CTNNA2: variants seen among roughly 807,000 people sequenced by gnomAD.
CTNNA2 encodes catenin alpha 2.
Under a neutral mutation model 101.0 loss-of-function variants are expected in CTNNA2, and 42 were observed. The ratio of observed to expected loss-of-function variants is 0.42; its 90% CI spans 0.32 to 0.54. The LOEUF (loss-of-function observed/expected upper bound fraction) is 0.54. Ranked by LOEUF, CTNNA2 falls within the 20% of genes least tolerant of loss-of-function variation. The pLI, the probability that CTNNA2 is intolerant of heterozygous loss-of-function variation, is 0.14. For synonymous variants in CTNNA2, 450 were observed against 456.4 expected (o/e 0.99, Z 0.18); for missense variants, 871 against 1,223.1 (o/e 0.71, Z 4.29).
At chr2:79,336,674 C>A (rs1677001150) in intron 3 of CTNNA2, among the ~76,000 whole-genome samples, 1 of 152,116 alleles carries the variant, frequency 6.6e-6, no homozygotes, top group African/African-American at 2.4e-5. Flanking sequence ...GTGGGATCCC[C>A]AATTGTGTGG....
intron 3 of CTNNA2, among the ~76,000 whole-genome samples, chr2:79,749,612 T>C (rs1671877722): frequency 6.6e-6 from 1 of 152,202 alleles, no homozygotes; most frequent in Admixed American, 6.5e-5. Context: ...TCTAAGCACA[T>C]GGTAGGTGAT....
intron 4 of CTNNA2, among the ~76,000 whole-genome samples, chr2:79,462,327 G>T (rs757277449): frequency 2.0e-4 from 30 of 152,292 alleles, no homozygotes; most frequent in Middle Eastern, 3.4e-3. Context: ...TCCTCTTCAA[G>T]ATAATTTATC....
At chr2:80,415,370 G>C (rs939043530) in intron 8 of CTNNA2, among the ~76,000 whole-genome samples, 3 of 151,986 alleles carry the variant, frequency 2.0e-5, no homozygotes, top group African/African-American at 7.3e-5. Context: ...CTGGCCTCAG[G>C]GTGCCTGGAG....
intron 1 of CTNNA2, among the ~76,000 whole-genome samples, chr2:79,594,759 A>C (rs900835313): frequency 4.6e-5 from 7 of 151,910 alleles, no homozygotes; most frequent in African/African-American, 1.7e-4. Flanking sequence ...TATATCTTTA[A>C]TCTATTCCTT....
At chr2:80,023,487 A>G (rs1054143544) in intron 7 of CTNNA2, among the ~76,000 whole-genome samples, 6 of 152,184 alleles carry the variant, frequency 3.9e-5, no homozygotes, top group African/African-American at 1.4e-4. Flanking sequence ...AGGGATTCCT[A>G]CAGCAGGCAA....
At chr2:79,966,768 G>A (rs1341150591) in intron 7 of CTNNA2, among the ~76,000 whole-genome samples, 1 of 152,154 alleles carries the variant, frequency 6.6e-6, no homozygotes, top group South Asian at 2.1e-4. Flanking sequence ...ACGACTTTTA[G>A]CAACATTCAA....
At chr2:80,318,455 G>C (rs901785292) in intron 7 of CTNNA2, among the ~76,000 whole-genome samples, 3 of 152,068 alleles carry the variant, frequency 2.0e-5, no homozygotes, top group African/African-American at 7.2e-5. Flanking sequence ...TTTGGGTTTT[G>C]CCACTTACTA....
intron 7 of CTNNA2, among the ~76,000 whole-genome samples, chr2:80,103,029 C>A (rs911713895): frequency 6.6e-6 from 1 of 152,118 alleles, no homozygotes; most frequent in African/African-American, 2.4e-5. Context: ...GCTTCAGTAG[C>A]TCCTGCTCAT....
intron 8 of CTNNA2, among the ~76,000 whole-genome samples, chr2:80,412,039 G>A (rs547630095): frequency 6.6e-6 from 1 of 152,110 alleles, no homozygotes; most frequent in South Asian, 2.1e-4. Flanking sequence ...CCCAGCAACC[G>A]TGGGCTCCAT....
chr2:80,506,997 A>G (rs1403517287), intron 9 of CTNNA2, among the ~76,000 whole-genome samples: 2 of 152,290 alleles, frequency 1.3e-5, no homozygotes, highest in East Asian at 1.9e-4. Context: ...AGTATTTGGC[A>G]CATCTTAGGT....
intron 7 of CTNNA2, among the ~76,000 whole-genome samples, chr2:80,350,843 C>T (rs1202036959): frequency 2.6e-5 from 4 of 152,044 alleles, no homozygotes; most frequent in African/African-American, 2.4e-5. Flanking sequence ...CAGCCTCAAG[C>T]GTGACAGAAG....
chr2:79,787,786 T>C (rs896945242), intron 3 of CTNNA2, among the ~76,000 whole-genome samples: 3 of 152,006 alleles, frequency 2.0e-5, no homozygotes, highest in Non-Finnish European at 4.4e-5. Context: ...CTATTGATCC[T>C]CTTACCTCTG....
intron 3 of CTNNA2, among the ~76,000 whole-genome samples, chr2:79,796,040 C>G (rs1480684313): frequency 2.0e-5 from 3 of 152,164 alleles, no homozygotes; most frequent in Non-Finnish European, 4.4e-5. Context: ...GCAAGTTTCA[C>G]TGTGCCAGTG....
chr2:79,648,604 G>A (rs957790978), intron 1 of CTNNA2, among the ~76,000 whole-genome samples: 1 of 152,074 alleles, frequency 6.6e-6, no homozygotes, highest in Non-Finnish European at 1.5e-5. Context: ...TCACAGGCAG[G>A]GGAGCTTCTT....
At chr2:79,533,534 A>C (rs745557368) in intron 1 of CTNNA2, among the ~76,000 whole-genome samples, 1 of 152,178 alleles carries the variant, frequency 6.6e-6, no homozygotes, top group African/African-American at 2.4e-5. Flanking sequence ...GTTGTATTTT[A>C]TCAACTAACT....
chr2:79,584,275 A>G (rs1452422635), intron 1 of CTNNA2, among the ~76,000 whole-genome samples: 1 of 152,166 alleles, frequency 6.6e-6, no homozygotes, highest in Non-Finnish European at 1.5e-5. Context: ...GTTCATAAAA[A>G]GAGGTTATAC....
At chr2:79,649,731 A>G (rs1345480794) in intron 1 of CTNNA2, among the ~76,000 whole-genome samples, 3 of 152,182 alleles carry the variant, frequency 2.0e-5, no homozygotes, top group Non-Finnish European at 2.9e-5. Flanking sequence ...CCAAATCTAA[A>G]TCGGTCTGTA....
At chr2:79,443,239 T>A (rs1164296389) in intron 4 of CTNNA2, among the ~76,000 whole-genome samples, 1 of 152,150 alleles carries the variant, frequency 6.6e-6, no homozygotes, top group Middle Eastern at 3.2e-3. Context: ...AGGAACCTGT[T>A]GGTGCTAGCC....
intron 7 of CTNNA2, among the ~76,000 whole-genome samples, chr2:80,155,547 T>G (rs1703956779): frequency 6.6e-6 from 1 of 152,156 alleles, no homozygotes; most frequent in Non-Finnish European, 1.5e-5. Context: ...TTTCCTTTCC[T>G]TTTCTTCTTT....
Sources: allele counts gnomAD v4.1 joint callset (sites outside exome capture counted in the v4.1 genomes callset), GRCh38; gene constraint gnomAD v4.1.1; transcripts MANE v1.5; gene names NCBI Gene and HGNC (gene_info 2026-07-23, HGNC 2026-07-21).